Variants in PALM observed in about 807,000 individuals in gnomAD.
The protein encoded by PALM is paralemmin-1.
In PALM, 18 loss-of-function variants were observed where a neutral mutation model predicts 30.7. The ratio of observed to expected loss-of-function variants is 0.59; its 90% CI spans 0.41 to 0.87. The LOEUF (loss-of-function observed/expected upper bound fraction) is 0.87, where lower values mean the gene tolerates loss of function less well. PALM is among the 40% of genes least tolerant of loss of function. PALM has a pLI of 0.00. For missense variants in PALM, 529 were observed against 555.4 expected (o/e 0.95, Z 0.48); for synonymous variants, 286 against 242.8 (o/e 1.18, Z -1.66).
At chr19:711,717 CA>C (rs1484076351) in intron 1 of PALM, among the ~76,000 whole-genome samples, 1 of 152,178 alleles carries the variant, frequency 6.6e-6, no homozygotes, top group African/African-American at 2.4e-5. Flanking sequence ...CTTTCTAAAA[CA>C]AGGCGATTTG....
At chr19:732,939 G>GT (rs3837994) in intron 5 of PALM, among the ~76,000 whole-genome samples, 3,633 of 145,052 alleles carry the variant, frequency 0.025, 130 homozygotes, top group African/African-American at 0.081. Context: ...GTTTTTTTGT[G>GT]TTTTTTTTTT....
intron 1 of PALM, among the ~76,000 whole-genome samples, chr19:720,071 T>C (rs913292972): frequency 1.4e-5 from 2 of 145,888 alleles, no homozygotes; most frequent in Admixed American, 6.7e-5. Flanking sequence ...GGGACCCCCC[T>C]CCCCTCCCCC....
intron 1 of PALM, among the ~76,000 whole-genome samples, chr19:710,344 C>T (rs930086690): frequency 8.5e-4 from 129 of 152,342 alleles, no homozygotes; most frequent in African/African-American, 2.9e-3. Context: ...CCCCTCTCCC[C>T]GTCACCCCGC....
At chr19:720,240 G>T (rs1262977127) in intron 1 of PALM, among the ~76,000 whole-genome samples, 2 of 152,046 alleles carry the variant, frequency 1.3e-5, no homozygotes, top group East Asian at 3.9e-4. Context: ...GTTGCCATGG[G>T]GACGGCGCGG....
Position 727,364 on chromosome 19 carries a change from C to T in PALM, c.139-200C>T, listed in dbSNP as rs2032719619. ...ACCTGACCCCAACCTCAATCCTGAC[C>T]CTGACCTTGACTCTGACCCAGACCC... On this transcript the variant is annotated intron_variant, in intron 3 of 8. Transcript: ENST00000338448. Among the ~76,000 whole-genome samples the T allele has an allele frequency of 1.3e-5, 2 of 151,550 alleles. 1 individual carries two copies. The highest frequency in any genetic ancestry group is 2.9e-5 in the Non-Finnish European group (2 of 67,852).
rs915338669 is a variant in PALM at position 726,123 on chromosome 19, A to C, written c.6-15A>C. On this transcript the variant is annotated splice_polypyrimidine_tract_variant and intron_variant, in intron 1 of 8. Coordinates refer to ENST00000338448, the MANE Select transcript of PALM (RefSeq NM_002579.3). ...GCTCAGTGAACCAGAGCTTGACCTT[A>C]TCTCCCTCCCGCAGGGTCCTGGCGG... 1 of 1,609,342 alleles carries C rather than the reference A, an allele frequency of 6.2e-7. No homozygotes were observed. Among genetic ancestry groups the C allele is most frequent in the Admixed American group, 1.7e-5 (1 of 59,978 alleles).
intron 8 of PALM, among the ~76,000 whole-genome samples, chr19:741,428 G>A (rs973912156): frequency 2.0e-5 from 3 of 148,314 alleles, no homozygotes; most frequent in Non-Finnish European, 3.0e-5. Flanking sequence ...GAGGGGAGAC[G>A]GGCTGCAGGG....
rs1244901573 is a variant in PALM at position 746,867 on chromosome 19, C to T, written c.*53C>T. The stretch of plus-strand genomic sequence containing the variant: ...CCCACACCACAGACACCCACCAGCC[C>T]GGCCCCTCCCGGCGCCTGCCCACCC... On this transcript the variant is annotated 3_prime_UTR_variant, in exon 9 of 9. Transcript: ENST00000338448. The surrounding 1 kb of genome is among the most constrained non-coding windows in gnomAD (Gnocchi z 7.1). The T allele has an allele frequency of 4.2e-5, 47 of 1,117,836 alleles. No homozygotes were observed. Among genetic ancestry groups the T allele is most frequent in the Admixed American group, 1.0e-4 (4 of 39,034 alleles). The allele number at this position is 1,117,836 out of a possible 1,614,324, so 69.2% of individuals were successfully genotyped here.
intron 3 of PALM, 32 bp from the exon 4 acceptor site, chr19:727,532 C>T (rs1460571689): frequency 6.4e-7 from 1 of 1,553,180 alleles, no homozygotes; most frequent in Admixed American, 1.9e-5. Context: ...CTGGTCCTGC[C>T]CACGACTCTG....
At chr19:731,869 C>A in intron 5 of PALM, among the ~76,000 whole-genome samples, 1 of 151,706 alleles carries the variant, frequency 6.6e-6, no homozygotes, top group African/African-American at 2.4e-5. Context: ...CCCATGTTGG[C>A]CAGGCTGGTC....
rs2033128221 is a variant in PALM at position 739,652 on chromosome 19, G to C, written c.503-700G>C. ...GCTGTGATCGTGCCGCTCCACTCCA[G>C]CCTGGCCAACAGAGGGAGACCCTGT... On this transcript the variant is annotated intron_variant, in intron 7 of 8. Transcript: ENST00000338448. Among the ~76,000 whole-genome samples the C allele has an allele frequency of 2.6e-5, 4 of 152,232 alleles. No homozygotes were observed. The South Asian group carries it at 8.3e-4, about 32-fold the overall frequency.
chr19:712,871 TC>T (rs1156314575), intron 1 of PALM, among the ~76,000 whole-genome samples: 2 of 152,220 alleles, frequency 1.3e-5, no homozygotes, highest in African/African-American at 4.8e-5. Flanking sequence ...AGACAAGGTT[TC>T]GCCATGTTGG....
Position 726,119 on chromosome 19 carries a change from C to G in PALM, c.6-19C>G. On this transcript the variant is annotated intron_variant, in intron 1 of 8. Coordinates refer to ENST00000338448, the MANE Select transcript of PALM (RefSeq NM_002579.3). ...CAGGGCTCAGTGAACCAGAGCTTGA[C>G]CTTATCTCCCTCCCGCAGGGTCCTG... 1 of 1,607,520 alleles carries G rather than the reference C, an allele frequency of 6.2e-7. No homozygotes were observed. The highest frequency in any genetic ancestry group is 1.1e-5 in the South Asian group (1 of 90,932).
intron 8 of PALM, among the ~76,000 whole-genome samples, chr19:743,815 G>C (rs532961193): frequency 2.6e-5 from 4 of 152,286 alleles, no homozygotes; most frequent in Admixed American, 2.0e-4. Flanking sequence ...TCAAGTCAGA[G>C]ACACACAGAT....
intron 1 of PALM, among the ~76,000 whole-genome samples, chr19:714,358 C>CTT (rs34617281): frequency 3.4e-4 from 36 of 104,600 alleles, no homozygotes; most frequent in East Asian, 1.2e-3. Context: ...TTTTTTCTTT[C>CTT]TTTTTTTTTT....
intron 6 of PALM, among the ~76,000 whole-genome samples, 175 bp from the exon 7 acceptor site, chr19:735,844 G>C (rs1298252956): frequency 1.3e-5 from 2 of 150,956 alleles, no homozygotes; most frequent in Non-Finnish European, 3.0e-5. Flanking sequence ...CCAGGTGCCT[G>C]TCTGGGTGTC....
In PALM at chr19:740,342, C is replaced by A; in HGVS notation, c.503-10C>A. ...CAGGCCGTGGTGTAACCCCGTGACT[C>A]TCGTGCCAGCCATGTACTCGGTTGA... On this transcript the variant is annotated splice_polypyrimidine_tract_variant and intron_variant, in intron 7 of 8. Transcript: ENST00000338448. 6.4e-7 allele frequency: 1 copy of A among 1,558,330 alleles called. No homozygotes were observed. The highest frequency in any genetic ancestry group is 1.2e-5 in the South Asian group (1 of 84,390).
rs1346204421 is a variant in PALM at position 742,599 on chromosome 19, C to T, written c.634+2116C>T. ...CAGCCTGTGCGACAAGAGTGAAACT[C>T]TGTCTCAAAAAAAAAAAAAAGAAAG... On this transcript the variant is annotated intron_variant, in intron 8 of 8. Coordinates refer to ENST00000338448, the MANE Select transcript of PALM (RefSeq NM_002579.3). The surrounding 1 kb of genome is among the most constrained non-coding windows in gnomAD (Gnocchi z 5.5). 7.9e-6 allele frequency among the ~76,000 whole-genome samples: 1 copy of T among 126,416 alleles called. No homozygotes were observed. Among genetic ancestry groups the T allele is most frequent in the Non-Finnish European group, 1.7e-5 (1 of 58,148 alleles). 82.9% of individuals were successfully genotyped at this position (126,416 alleles called of 152,430 possible).
At chr19:725,434 ACCTGT>A in intron 1 of PALM, among the ~76,000 whole-genome samples, 1 of 152,050 alleles carries the variant, frequency 6.6e-6, no homozygotes, top group East Asian at 2.0e-4. Flanking sequence ...GGTGGCAGGC[ACCTGT>A]CATCCCAGCT....
Sources: allele counts gnomAD v4.1 joint callset (sites outside exome capture counted in the v4.1 genomes callset), GRCh38; gene constraint gnomAD v4.1.1; non-coding constraint Gnocchi (gnomAD v3.1); transcripts MANE v1.5; gene names NCBI Gene and HGNC (gene_info 2026-07-23, HGNC 2026-07-21).